The following SND1 variants were observed in gnomAD, a reference collection of about 807,000 sequenced individuals.
SND1 encodes staphylococcal nuclease and tudor domain containing 1.
A neutral mutation model predicts 121.7 loss-of-function variants in SND1; 38 were observed. The observed-to-expected ratio is 0.31, with a 90% CI of 0.24 to 0.41. SND1 has a LOEUF of 0.41. Among genes scored for constraint, SND1 ranks in the 10% least tolerant of loss-of-function variants. The pLI is 1.00. For synonymous variants in SND1, 401 were observed against 447.4 expected (o/e 0.90, Z 1.31); for missense variants, 868 against 1,184.6 (o/e 0.73, Z 3.92).
At chr7:127,902,475 C>G (rs1345157305) in intron 13 of SND1, among the ~76,000 whole-genome samples, 1 of 152,098 alleles carries the variant, frequency 6.6e-6, no homozygotes, top group African/African-American at 2.4e-5. Flanking sequence ...CTGTTGGTGG[C>G]AGAGGAGGTT....
intron 10 of SND1, among the ~76,000 whole-genome samples, chr7:127,790,340 C>G (rs1289085340): frequency 1.3e-5 from 2 of 152,138 alleles, no homozygotes; most frequent in Non-Finnish European, 2.9e-5. Flanking sequence ...ACGATCAGCT[C>G]TTCTAGGACA....
At chr7:128,028,676 G>T in intron 16 of SND1, 2 of 1,601,396 alleles carry the variant, frequency 1.2e-6, no homozygotes, top group African/African-American at 1.3e-5. Flanking sequence ...TGGGGGAGGG[G>T]AGTCATATTT....
At position 128,086,935 on chromosome 7, in the gene SND1, C is replaced by T. The variant is rs1178695992; in HGVS notation, c.2305-3C>T. The stretch of plus-strand genomic sequence containing the variant: ...ACATGTTGGCCTGCTGCTTCCTCTG[C>T]AGAGAGAGGTCCTGCCATCCACCCG... On this transcript the variant is annotated splice_polypyrimidine_tract_variant and splice_region_variant and intron_variant, in intron 20 of 23. Coordinates refer to ENST00000354725, the MANE Select transcript of SND1 (RefSeq NM_014390.4). 1.2e-6 allele frequency: 2 copies of T among 1,611,552 alleles called. No homozygotes were observed. The highest frequency in any genetic ancestry group is 1.7e-6 in the Non-Finnish European group (2 of 1,177,938).
intron 12 of SND1, among the ~76,000 whole-genome samples, chr7:127,845,174 AG>A (rs948260794): frequency 2.0e-5 from 3 of 152,252 alleles, no homozygotes; most frequent in African/African-American, 7.2e-5. Flanking sequence ...CATCAAAACA[AG>A]GATTGTGTTA....
rs374307379 is a variant in SND1 at position 128,089,696 on chromosome 7, T to C, written c.2622+4T>C. The C allele has an allele frequency of 4.9e-5, 79 of 1,613,818 alleles. 2 individuals are homozygous for C. The South Asian group carries it at 6.5e-4, about 13-fold the overall frequency. ...GGAGAAACAGTTCCAGAAAGTGGTA[T>C]GTGATGTGGAGAGGCGGCCCCAGCA... On this transcript the variant is annotated splice_donor_region_variant and intron_variant, in intron 22 of 23. Coordinates refer to ENST00000354725, the MANE Select transcript of SND1 (RefSeq NM_014390.4).
chr7:127,793,278 G>A (rs986138795), intron 10 of SND1, among the ~76,000 whole-genome samples: 1 of 152,212 alleles, frequency 6.6e-6, no homozygotes, highest in African/African-American at 2.4e-5. Context: ...ACAGATCTTT[G>A]TGGGAGCTTT....
At chr7:127,676,394 T>C (rs1365597812) in intron 1 of SND1, among the ~76,000 whole-genome samples, 12 of 152,188 alleles carry the variant, frequency 7.9e-5, no homozygotes, top group Non-Finnish European at 7.3e-5. Context: ...GTATTATCTT[T>C]ACTTATAGAT....
intron 15 of SND1, among the ~76,000 whole-genome samples, chr7:127,949,528 CTG>C (rs1275924774): frequency 6.6e-6 from 1 of 152,188 alleles, no homozygotes; most frequent in African/African-American, 2.4e-5. Flanking sequence ...AACAAAAAAA[CTG>C]TGTGGGTTTC....
chr7:128,079,986 C>T (rs1314218021), intron 17 of SND1, among the ~76,000 whole-genome samples: 1 of 152,226 alleles, frequency 6.6e-6, no homozygotes, highest in Non-Finnish European at 1.5e-5. Flanking sequence ...GATTTCACTA[C>T]TTCTAGCTGC....
At chr7:127,896,216 C>T (rs965725860) in intron 13 of SND1, among the ~76,000 whole-genome samples, 1 of 152,086 alleles carries the variant, frequency 6.6e-6, no homozygotes, top group Non-Finnish European at 1.5e-5. Flanking sequence ...CTTATCTGTC[C>T]AGAGCCACTT....
chr7:127,893,642 G>A (rs1025673912), intron 13 of SND1, among the ~76,000 whole-genome samples: 1 of 152,070 alleles, frequency 6.6e-6, no homozygotes. Context: ...ATTCAGTCTG[G>A]TCATACATAA....
chr7:127,948,932 C>T (rs780338151), intron 15 of SND1, among the ~76,000 whole-genome samples: 2 of 152,242 alleles, frequency 1.3e-5, no homozygotes, highest in African/African-American at 4.8e-5. Flanking sequence ...CCGATTTAAA[C>T]ACATAAGCTG....
intron 16 of SND1, among the ~76,000 whole-genome samples, chr7:128,033,394 C>G (rs1406975354): frequency 1.3e-5 from 2 of 152,144 alleles, no homozygotes; most frequent in South Asian, 4.1e-4. Context: ...CAAGAGCTGC[C>G]TCCAGACTCC....
At chr7:127,778,437 T>G (rs1314794774) in intron 10 of SND1, among the ~76,000 whole-genome samples, 1 of 152,178 alleles carries the variant, frequency 6.6e-6, no homozygotes, top group African/African-American at 2.4e-5. Flanking sequence ...GACCTTGTGA[T>G]CTGCCCACCT....
intron 10 of SND1, among the ~76,000 whole-genome samples, chr7:127,760,169 A>T (rs1174977026): frequency 6.6e-6 from 1 of 152,072 alleles, no homozygotes; most frequent in Admixed American, 6.6e-5. Flanking sequence ...CATGATTTGG[A>T]TTTGCACTTC....
intron 15 of SND1, among the ~76,000 whole-genome samples, chr7:127,936,188 A>G (rs933300190): frequency 1.3e-5 from 2 of 152,078 alleles, no homozygotes; most frequent in Non-Finnish European, 2.9e-5. Context: ...GTGACCTTAC[A>G]GCATCAGAAC....
Position 127,799,841 on chromosome 7 carries a change from T to C in SND1, c.1153-7643T>C, listed in dbSNP as rs569646486. Among the ~76,000 whole-genome samples the C allele has an allele frequency of 3.9e-5, 6 of 152,292 alleles. No individual in the cohort carries two copies. The East Asian group carries it at 1.2e-3, about 29-fold the overall frequency. On this transcript the variant is annotated intron_variant, in intron 10 of 23. Transcript: ENST00000354725. Reference sequence around the variant, plus strand: ...GCTGCTTTTTCCTTGAAACAACTCTTGAGGTATTTGGATCTATGAGGCTTC... The same window carrying C: ...GCTGCTTTTTCCTTGAAACAACTCTCGAGGTATTTGGATCTATGAGGCTTC...
At chr7:127,895,638 G>A (rs1005558997) in intron 13 of SND1, among the ~76,000 whole-genome samples, 1 of 152,074 alleles carries the variant, frequency 6.6e-6, no homozygotes, top group African/African-American at 2.4e-5. Flanking sequence ...GTGATAACAG[G>A]AAAATGCATT....
chr7:127,676,829 C>A (rs1209967195), intron 1 of SND1, among the ~76,000 whole-genome samples: 2 of 152,192 alleles, frequency 1.3e-5, no homozygotes, highest in African/African-American at 4.8e-5. Flanking sequence ...GCAACCTCCG[C>A]CTCCTGGGTT....
Sources: gnomAD v4.1 joint callset for allele counts (sites outside exome capture counted in the v4.1 genomes callset) on GRCh38, gnomAD v4.1.1 for gene constraint, MANE v1.5 for transcripts, NCBI Gene and HGNC (gene_info 2026-07-23, HGNC 2026-07-21) for gene names.